PXDN: variants seen among roughly 807,000 people sequenced by gnomAD.
The protein encoded by PXDN is peroxidasin, also known as peroxidasin homolog.
In PXDN, 77 loss-of-function variants were observed where a neutral mutation model predicts 140.3. That is an observed-to-expected ratio of 0.55 (90% CI 0.46 to 0.66). PXDN has a LOEUF of 0.66. Ranked by LOEUF, PXDN falls within the 30% of genes least tolerant of loss-of-function variation. The probability of loss-of-function intolerance (pLI) is 0.00; values close to 1 mark genes in which losing one functional copy is unlikely to be tolerated. For synonymous variants in PXDN, 911 were observed against 857.4 expected (o/e 1.06, Z -1.09); for missense variants, 1,838 against 2,039.5 (o/e 0.90, Z 1.90).
intron 1 of PXDN, among the ~76,000 whole-genome samples, chr2:1,723,509 T>A (rs375376196): frequency 1.3e-5 from 2 of 151,990 alleles, no homozygotes; most frequent in East Asian, 3.9e-4. Context: ...AGTAAATTAA[T>A]GGATAGATAG....
chr2:1,689,699 C>T (rs1684143560), intron 3 of PXDN, among the ~76,000 whole-genome samples: 2 of 151,634 alleles, frequency 1.3e-5, no homozygotes, highest in African/African-American at 4.8e-5. Flanking sequence ...CAGGAGAATC[C>T]TTTGAACCTG....
At chr2:1,641,446 C>T (rs570015119) in intron 19 of PXDN, among the ~76,000 whole-genome samples, 4 of 152,314 alleles carry the variant, frequency 2.6e-5, no homozygotes, top group African/African-American at 9.6e-5. Flanking sequence ...CACCGCCCAG[C>T]CCCCAATGTG....
At chr2:1,744,029 G>T (rs1685625855) in intron 1 of PXDN, among the ~76,000 whole-genome samples, 1 of 152,084 alleles carries the variant, frequency 6.6e-6, no homozygotes, top group South Asian at 2.1e-4. Flanking sequence ...GCTCTGTTCC[G>T]CCCCTCGGCG....
At chr2:1,642,852 C>T (rs2125406418) in intron 19 of PXDN, among the ~76,000 whole-genome samples, 1 of 152,314 alleles carries the variant, frequency 6.6e-6, no homozygotes, top group African/African-American at 2.4e-5. Flanking sequence ...CCCTCAGCTA[C>T]AGGGCCCCCC....
At chr2:1,730,340 T>C (rs929847079) in intron 1 of PXDN, among the ~76,000 whole-genome samples, 1 of 152,222 alleles carries the variant, frequency 6.6e-6, no homozygotes, top group Non-Finnish European at 1.5e-5. Context: ...TGAGCCCTTG[T>C]GGCAAACAGG....
intron 1 of PXDN, among the ~76,000 whole-genome samples, chr2:1,706,040 G>C (rs2125462961): frequency 6.6e-6 from 1 of 152,240 alleles, no homozygotes; most frequent in African/African-American, 2.4e-5. Context: ...AGCTTCTTCA[G>C]GGTCTCCAGA....
chr2:1,634,416 C>A, intron 22 of PXDN, 93 bp from the exon 23 acceptor site: 2 of 1,460,244 alleles, frequency 1.4e-6, no homozygotes, highest in Non-Finnish European at 1.8e-6. Context: ...TCAGCCACGG[C>A]CATGAGTCAG....
intron 1 of PXDN, among the ~76,000 whole-genome samples, chr2:1,743,702 GGGAGGA>G (rs1421779467): frequency 2.9e-5 from 1 of 34,030 alleles, no homozygotes; most frequent in African/African-American, 1.4e-4. Context: ...GAGGAGGAAG[GGGAGGA>G]GGAGGAGGAA....
intron 1 of PXDN, among the ~76,000 whole-genome samples, chr2:1,718,844 CCAGGG>C (rs1170620563): frequency 1.3e-5 from 2 of 152,244 alleles, no homozygotes; most frequent in South Asian, 4.1e-4. Flanking sequence ...GAAGAAATGG[CCAGGG>C]CAGGGCAAGG....
chr2:1,738,963 C>T (rs1218352030), intron 1 of PXDN, among the ~76,000 whole-genome samples: 1 of 152,186 alleles, frequency 6.6e-6, no homozygotes, highest in African/African-American at 2.4e-5. Flanking sequence ...GCCACGGAGG[C>T]TGCTGCCCGG....
rs893014796 is a variant in PXDN, at chr2:1,648,502, T to C, written c.3278A>G (p.Gln1093Arg). The change falls in exon 17 of 23, where the codon CAA becomes CGA. Residue 1093 changes from glutamine to arginine, a missense_variant. Transcript: ENST00000252804. This position sits in a 1 kb window ranked among gnomAD's most constrained non-coding sequence, Gnocchi z 8.9. ...AGCTTTGTGAAGGGGGAGGTGATCT[T>C]GTGCAATGGGCTGGAAGTTCTCGTC... ...RLDENFQPIA[Q>R]DHLPLHKAFF... The C allele has an allele frequency of 6.2e-7, 1 of 1,612,658 alleles. No homozygotes were observed. The highest frequency in any genetic ancestry group is 8.5e-7 in the Non-Finnish European group (1 of 1,179,846).
intron 19 of PXDN, among the ~76,000 whole-genome samples, chr2:1,640,217 G>A (rs1682691857): frequency 6.6e-6 from 1 of 152,214 alleles, no homozygotes; most frequent in African/African-American, 2.4e-5. Flanking sequence ...TGGGCCCTGT[G>A]GACACACTAT....
At position 1,639,214 on chromosome 2, in the gene PXDN, G is replaced by A; in HGVS notation, c.4073+88C>T. ...CCTGCCAGGAACCATCCTCGCCACA[G>A]GCCCACAGCAGGATGCCGGTCCTAC... On this transcript the variant is annotated intron_variant, in intron 20 of 22. Transcript: ENST00000252804. The surrounding 1 kb of genome is among the most constrained non-coding windows in gnomAD (Gnocchi z 5.0). 3 of 1,540,444 alleles carry A rather than the reference G, an allele frequency of 1.9e-6. No individual in the cohort carries two copies. The highest frequency in any genetic ancestry group is 2.6e-6 in the Non-Finnish European group (3 of 1,140,684).
At chr2:1,663,921 G>T in intron 11 of PXDN, 158 bp from the exon 12 acceptor site, 1 of 818,276 alleles carries the variant, frequency 1.2e-6, no homozygotes, top group Non-Finnish European at 1.9e-6. Context: ...CTCCCCAGCA[G>T]ACACCATGGT....
intron 8 of PXDN, chr2:1,676,619 G>A: frequency 2.4e-6 from 1 of 424,494 alleles, no homozygotes; most frequent in Non-Finnish European, 4.3e-6. Flanking sequence ...CAGCAGGCAG[G>A]GAGAGAACAA....
chr2:1,658,851 T>G (rs569873308), intron 14 of PXDN, among the ~76,000 whole-genome samples: 1 of 133,148 alleles, frequency 7.5e-6, no homozygotes, highest in East Asian at 2.4e-4. Flanking sequence ...CGCGGCTCCC[T>G]CTGCTCAGAA....
Position 1,635,430 on chromosome 2 carries a change from G to A in PXDN, c.4298C>T (p.Ala1433Val), listed in dbSNP as rs939529916. The change falls in exon 22 of 23, where the codon GCA (alanine) becomes GTA (valine). Residue 1433 changes from alanine (A) to valine (V), a missense_variant. Transcript: ENST00000252804. ...HANNTKWKKD[A>V]CTICECKDGQ... ...CACTTTGCATTCACAAATGGTGCAT[G>A]CATCTTTTTTCCACTTGGTGTTGTT... 6.3e-7 allele frequency: 1 copy of A among 1,595,280 alleles called. No homozygotes were observed. Among genetic ancestry groups the A allele is most frequent in the East Asian group, 2.3e-5 (1 of 44,366 alleles).
chr2:1,687,081 G>A lies in PXDN; in HGVS notation c.416+551C>T, dbSNP rs1056422405. Among the ~76,000 whole-genome samples the A allele has an allele frequency of 6.6e-6, 1 of 152,154 alleles. No homozygotes were observed. Among genetic ancestry groups the A allele is most frequent in the Non-Finnish European group, 1.5e-5 (1 of 68,030 alleles). On this transcript the variant is annotated intron_variant, in intron 4 of 22. Coordinates refer to ENST00000252804, the MANE Select transcript of PXDN (RefSeq NM_012293.3). This position sits in a 1 kb window ranked among gnomAD's most constrained non-coding sequence, Gnocchi z 4.0. ...TCACAGCAAAGTACGACTTCACGTTGGCCAAAGAAACTAAGAGCGTTTCAT... is the reference window on the plus strand; with the variant it reads ...TCACAGCAAAGTACGACTTCACGTTAGCCAAAGAAACTAAGAGCGTTTCAT...
At chr2:1,710,420 T>G (rs1684724095) in intron 1 of PXDN, among the ~76,000 whole-genome samples, 1 of 152,010 alleles carries the variant, frequency 6.6e-6, no homozygotes, top group Non-Finnish European at 1.5e-5. Flanking sequence ...TATTAGGAGG[T>G]GTGAAGCCTT....
Sources: allele counts gnomAD v4.1 joint callset (sites outside exome capture counted in the v4.1 genomes callset), GRCh38; gene constraint gnomAD v4.1.1; non-coding constraint Gnocchi (gnomAD v3.1); transcripts MANE v1.5; gene names NCBI Gene and HGNC (gene_info 2026-07-23, HGNC 2026-07-21).